The following ABTB2 variants were observed in gnomAD, a reference collection of about 807,000 sequenced individuals.
ABTB2 encodes the protein ankyrin repeat and BTB/POZ domain-containing protein 2.
ABTB2 carries 56 observed loss-of-function variants against 104.1 expected under a neutral mutation model. That is an observed-to-expected ratio of 0.54 (90% CI 0.43 to 0.67). The LOEUF is 0.67. Among genes scored for constraint, ABTB2 ranks in the 30% least tolerant of loss-of-function variants. ABTB2 has a pLI of 0.00. For missense variants in ABTB2, 1,279 were observed against 1,407.7 expected, an observed-to-expected ratio of 0.91 and a Z score of 1.46; for synonymous variants, 606 against 608.2, an observed-to-expected ratio of 1.00 and a Z score of 0.05.
At chr11:34,320,354 G>A (rs1749209877) in intron 1 of ABTB2, among the ~76,000 whole-genome samples, 2 of 152,130 alleles carry the variant, frequency 1.3e-5, no homozygotes, top group South Asian at 2.1e-4. Flanking sequence ...TGTATTTCCT[G>A]GGGGAATTGA....
chr11:34,282,786 C>T lies in ABTB2; in HGVS notation c.883+73915G>A, dbSNP rs554395853. Among the ~76,000 whole-genome samples the T allele has an allele frequency of 8.1e-4, 123 of 152,246 alleles. 1 individual carries two copies. Among genetic ancestry groups the T allele is most frequent in the African/African-American group, 2.7e-3 (111 of 41,546 alleles). On this transcript the variant is annotated intron_variant, in intron 1 of 16. Coordinates refer to ENST00000435224, the MANE Select transcript of ABTB2 (RefSeq NM_145804.3). ...AACTCAGGTGATTCGCCCACCTCGG[C>T]CTCCCAAAATGCTGGGACTACAAGC...
rs563452293 is a variant in ABTB2, at chr11:34,193,653, T to C, written c.1244+3672A>G. ...CTTTGGGCCTAGAAGTAGGTAGAAATGGGCTTTAAAAGAAGGGCGTATGTT... is the reference window on the plus strand; with the variant it reads ...CTTTGGGCCTAGAAGTAGGTAGAAACGGGCTTTAAAAGAAGGGCGTATGTT... On this transcript the variant is annotated intron_variant, in intron 3 of 16. Coordinates refer to ENST00000435224, the MANE Select transcript of ABTB2 (RefSeq NM_145804.3). Among the ~76,000 whole-genome samples the C allele has an allele frequency of 1.2e-4, 19 of 152,346 alleles. No homozygotes were observed. In the South Asian group the frequency reaches 3.9e-3, roughly 32 times the overall value.
intron 1 of ABTB2, among the ~76,000 whole-genome samples, chr11:34,271,620 G>A (rs1034928949): frequency 6.6e-6 from 1 of 152,156 alleles, no homozygotes; most frequent in African/African-American, 2.4e-5. Context: ...TGTGGTCCCA[G>A]CTTCTTGGGA....
At position 34,200,152 on chromosome 11, in the gene ABTB2, A is replaced by G. The variant is rs535906909; in HGVS notation, c.1031-2614T>C. Among the ~76,000 whole-genome samples, 3 of 152,344 alleles carry G rather than the reference A, an allele frequency of 2.0e-5. No homozygotes were observed. In the East Asian group the frequency reaches 5.8e-4, roughly 29 times the overall value. On this transcript the variant is annotated intron_variant, in intron 2 of 16. Coordinates refer to ENST00000435224, the MANE Select transcript of ABTB2 (RefSeq NM_145804.3). ...TCCCGTTTCTCCAGGTCTAAATGTC[A>G]TAACTTTTGGCAGAACCACAGGACC...
At chr11:34,283,870 A>T (rs184414005) in intron 1 of ABTB2, among the ~76,000 whole-genome samples, 1 of 152,324 alleles carries the variant, frequency 6.6e-6, no homozygotes, top group Non-Finnish European at 1.5e-5. Flanking sequence ...TCCTAATAAG[A>T]TCCTTTCTAA....
At chr11:34,354,909 ACCACTGGAGATGGAAAT>A (rs1466614952) in intron 1 of ABTB2, among the ~76,000 whole-genome samples, 1 of 146,576 alleles carries the variant, frequency 6.8e-6, no homozygotes, top group Admixed American at 6.7e-5. Context: ...CTCAATTATG[ACCACTGGAGATGGAAAT>A]CCCCTGGCCC....
At chr11:34,260,615 A>G (rs1248914440) in intron 1 of ABTB2, among the ~76,000 whole-genome samples, 1 of 152,232 alleles carries the variant, frequency 6.6e-6, no homozygotes, top group Non-Finnish European at 1.5e-5. Flanking sequence ...GTTTTTCTTA[A>G]ATGGACATTT....
chr11:34,327,732 T>A (rs1359695849), intron 1 of ABTB2, among the ~76,000 whole-genome samples: 1 of 152,120 alleles, frequency 6.6e-6, no homozygotes, highest in Non-Finnish European at 1.5e-5. Flanking sequence ...CTTCCCCCTC[T>A]CCCAGATACG....
chr11:34,153,125 G>C (rs917734780), intron 16 of ABTB2, among the ~76,000 whole-genome samples: 2 of 152,212 alleles, frequency 1.3e-5, no homozygotes, highest in African/African-American at 4.8e-5. Flanking sequence ...TGAGAGGCCA[G>C]GGGAGGCCTG....
At chr11:34,322,361 A>G (rs1242776802) in intron 1 of ABTB2, among the ~76,000 whole-genome samples, 4 of 152,184 alleles carry the variant, frequency 2.6e-5, no homozygotes, top group African/African-American at 7.2e-5. Flanking sequence ...GGATCACTTG[A>G]GGTCAGGAGT....
At chr11:34,208,715 T>C (rs1315615592) in intron 1 of ABTB2, among the ~76,000 whole-genome samples, 1 of 152,028 alleles carries the variant, frequency 6.6e-6, no homozygotes, top group Admixed American at 6.6e-5. Flanking sequence ...CCTCTGTGAG[T>C]ACAGCACCGT....
At chr11:34,188,082 C>T (rs1853125410) in intron 3 of ABTB2, among the ~76,000 whole-genome samples, 1 of 152,106 alleles carries the variant, frequency 6.6e-6, no homozygotes, top group South Asian at 2.1e-4. Flanking sequence ...TCGCCCCTCA[C>T]AAAAAATTCT....
At chr11:34,241,635 T>C (rs1853916966) in intron 1 of ABTB2, among the ~76,000 whole-genome samples, 1 of 152,198 alleles carries the variant, frequency 6.6e-6, no homozygotes, top group African/African-American at 2.4e-5. Flanking sequence ...CTCAAGCCTG[T>C]AATCACAGCG....
chr11:34,264,478 C>T (rs531789287), intron 1 of ABTB2, among the ~76,000 whole-genome samples: 1 of 152,352 alleles, frequency 6.6e-6, no homozygotes, highest in East Asian at 1.9e-4. Flanking sequence ...TGGGAATTTG[C>T]CCAGCTACTC....
intron 1 of ABTB2, among the ~76,000 whole-genome samples, chr11:34,266,105 C>T (rs1418315689): frequency 1.3e-5 from 2 of 152,164 alleles, no homozygotes; most frequent in African/African-American, 2.4e-5. Context: ...TATTTAGAGA[C>T]AGGGTCTCAC....
chr11:34,354,211 TTGACTC>T (rs1303777750), intron 1 of ABTB2, among the ~76,000 whole-genome samples: 3 of 152,008 alleles, frequency 2.0e-5, no homozygotes, highest in East Asian at 1.9e-4. Flanking sequence ...GGGAGACACT[TTGACTC>T]TGAGCATCCG....
At chr11:34,152,647 C>G in intron 16 of ABTB2, 63 bp from the exon 17 acceptor site, 1 of 1,477,298 alleles carries the variant, frequency 6.8e-7, no homozygotes, top group East Asian at 2.3e-5. Context: ...TCACCCTCAC[C>G]CCCAAATACT....
At chr11:34,265,926 G>A (rs930492404) in intron 1 of ABTB2, among the ~76,000 whole-genome samples, 6 of 152,016 alleles carry the variant, frequency 3.9e-5, no homozygotes, top group Non-Finnish European at 7.4e-5. Context: ...CCAAGATCAC[G>A]CCACTGCATT....
chr11:34,259,393 C>A (rs888098471), intron 1 of ABTB2, among the ~76,000 whole-genome samples: 1 of 152,210 alleles, frequency 6.6e-6, no homozygotes, highest in African/African-American at 2.4e-5. Context: ...ACCCTAAGCT[C>A]TTAAAAGTAG....
Sources: allele counts gnomAD v4.1 joint callset (sites outside exome capture counted in the v4.1 genomes callset), GRCh38; gene constraint gnomAD v4.1.1; transcripts MANE v1.5; gene names NCBI Gene and HGNC (gene_info 2026-07-23, HGNC 2026-07-21).